PSD3: variants seen among roughly 807,000 people sequenced by gnomAD.
PSD3 encodes pleckstrin and Sec7 domain containing 3, also known as PH and SEC7 domain-containing protein 3.
PSD3 carries 49 observed loss-of-function variants against 105.5 expected under a neutral mutation model. That is an observed-to-expected ratio of 0.46 (90% confidence interval 0.37 to 0.59). PSD3 has a LOEUF of 0.59. Among genes scored for constraint, PSD3 ranks in the 20% least tolerant of loss-of-function variants. PSD3 has a pLI of 0.00. For synonymous variants in PSD3, 557 were observed against 457.8 expected, an observed-to-expected ratio of 1.22 and a Z score of -2.77; for missense variants, 1,561 against 1,263.8, an observed-to-expected ratio of 1.24 and a Z score of -3.57.
rs896882357 is a variant in PSD3, at chr8:18,975,058, G to A, written c.21+38505C>T. Among the ~76,000 whole-genome samples, 17 of 152,184 alleles carry A rather than the reference G, an allele frequency of 1.1e-4. 1 individual carries two copies. Among genetic ancestry groups the A allele is most frequent in the African/African-American group, 4.1e-4 (17 of 41,440 alleles). ...GTGAGGAAAGGACAAGAGGCTGGCA[G>A]AGGTTTCACTCCCTGCAGTGCTGAG... On this transcript the variant is annotated intron_variant, in intron 1 of 15. Coordinates refer to ENST00000327040, the MANE Select transcript of PSD3 (RefSeq NM_015310.4).
intron 4 of PSD3, among the ~76,000 whole-genome samples, chr8:18,816,106 G>C (rs1442508546): frequency 6.6e-6 from 1 of 152,124 alleles, no homozygotes; most frequent in Non-Finnish European, 1.5e-5. Flanking sequence ...GGGGCTATGG[G>C]ATTAACAGGG....
chr8:18,751,922 C>T (rs1278611074), intron 9 of PSD3, among the ~76,000 whole-genome samples: 1 of 148,474 alleles, frequency 6.7e-6, no homozygotes, highest in African/African-American at 2.6e-5. Context: ...CGCCTGGAAT[C>T]CCAGCACTTT....
At chr8:18,885,176 C>T (rs1304853157) in intron 2 of PSD3, among the ~76,000 whole-genome samples, 3 of 152,242 alleles carry the variant, frequency 2.0e-5, no homozygotes, top group East Asian at 3.9e-4. Flanking sequence ...ATCAGGGATG[C>T]CCCTCTGATT....
intron 1 of PSD3, among the ~76,000 whole-genome samples, chr8:19,073,322 G>A (rs368790337): frequency 7.2e-5 from 11 of 152,132 alleles, no homozygotes; most frequent in South Asian, 2.1e-4. Context: ...AGGCCAAGGC[G>A]GGCGGATCAC....
intron 4 of PSD3, among the ~76,000 whole-genome samples, chr8:18,851,552 A>T (rs1444043046): frequency 6.6e-6 from 1 of 152,238 alleles, no homozygotes; most frequent in Non-Finnish European, 1.5e-5. Flanking sequence ...ACTCTGGGTT[A>T]ATCACATGTC....
intron 9 of PSD3, among the ~76,000 whole-genome samples, chr8:18,749,924 T>G (rs1432927666): frequency 6.6e-6 from 1 of 152,146 alleles, no homozygotes; most frequent in Non-Finnish European, 1.5e-5. Flanking sequence ...TTGAAGCAGA[T>G]TCACCTTCAG....
chr8:18,747,450 A>T (rs1805121134), intron 9 of PSD3, among the ~76,000 whole-genome samples: 1 of 152,248 alleles, frequency 6.6e-6, no homozygotes, highest in African/African-American at 2.4e-5. Flanking sequence ...ATGTATTCTC[A>T]AAGTCAGATG....
intron 9 of PSD3, among the ~76,000 whole-genome samples, chr8:18,755,102 C>A (rs10110943): frequency 0.16 from 23,853 of 151,900 alleles, 3,126 homozygotes; most frequent in African/African-American, 0.35. Context: ...GTGAGAGGGG[C>A]AGCAATCTTG....
At chr8:18,801,182 A>C in intron 7 of PSD3, 88 bp downstream of exon 7, 1 of 770,208 alleles carries the variant, frequency 1.3e-6, no homozygotes, top group South Asian at 1.9e-5. Context: ...CTGAAGATAC[A>C]TAATTTCTCA....
At chr8:18,713,821 A>C (rs1182389940) in intron 9 of PSD3, among the ~76,000 whole-genome samples, 2 of 152,216 alleles carry the variant, frequency 1.3e-5, no homozygotes, top group South Asian at 2.1e-4. Context: ...CTGTACAGCC[A>C]AGACAATCCT....
intron 14 of PSD3, among the ~76,000 whole-genome samples, chr8:18,558,640 G>A (rs1168286827): frequency 1.3e-5 from 2 of 152,136 alleles, no homozygotes; most frequent in Non-Finnish European, 2.9e-5. Flanking sequence ...GACTAACATG[G>A]TGAAACCCTG....
chr8:18,876,455 T>C (rs1403876487), intron 2 of PSD3, among the ~76,000 whole-genome samples: 1 of 152,144 alleles, frequency 6.6e-6, no homozygotes, highest in Non-Finnish European at 1.5e-5. Context: ...GGGACGATCA[T>C]GGCTCACTGC....
intron 8 of PSD3, among the ~76,000 whole-genome samples, chr8:18,767,590 T>C (rs1807117591): frequency 6.6e-6 from 1 of 151,418 alleles, no homozygotes; most frequent in Non-Finnish European, 1.5e-5. Context: ...TACTGAAAAA[T>C]ACATAAATTA....
rs189688926 is a variant in PSD3, at chr8:18,917,877, G to T, written c.130+18157C>A. Among the ~76,000 whole-genome samples the T allele has an allele frequency of 5.3e-5, 8 of 152,326 alleles. No individual in the cohort carries two copies. In the East Asian group the frequency reaches 1.4e-3, roughly 26 times the overall value. On this transcript the variant is annotated intron_variant, in intron 2 of 15. Coordinates refer to ENST00000327040, the MANE Select transcript of PSD3 (RefSeq NM_015310.4). Reference sequence around the variant, plus strand: ...CTATCTGGATTCCTTTCATGGAAGAGAACTTTTATTTTGTCTAAGCCACCG... The same window carrying T: ...CTATCTGGATTCCTTTCATGGAAGATAACTTTTATTTTGTCTAAGCCACCG...
chr8:18,569,022 C>T (rs1020735311), intron 14 of PSD3, among the ~76,000 whole-genome samples: 14 of 140,968 alleles, frequency 9.9e-5, no homozygotes, highest in African/African-American at 3.6e-4. Flanking sequence ...CATGTCCCTA[C>T]AAAGGACATG....
intron 15 of PSD3, among the ~76,000 whole-genome samples, chr8:18,552,317 C>A (rs1800814424): frequency 6.6e-6 from 1 of 152,214 alleles, no homozygotes; most frequent in South Asian, 2.1e-4. Context: ...CTGTAATCAT[C>A]TTAAACGTTG....
At chr8:18,974,932 C>T (rs1026679164) in intron 1 of PSD3, among the ~76,000 whole-genome samples, 2 of 152,086 alleles carry the variant, frequency 1.3e-5, no homozygotes, top group African/African-American at 4.8e-5. Flanking sequence ...AATCTTTTTC[C>T]TTGACCAGAA....
intron 10 of PSD3, among the ~76,000 whole-genome samples, chr8:18,635,989 T>C (rs1807221516): frequency 6.6e-6 from 1 of 152,096 alleles, no homozygotes; most frequent in Non-Finnish European, 1.5e-5. Context: ...AGCAAACCAC[T>C]GTGGCACATG....
intron 10 of PSD3, among the ~76,000 whole-genome samples, chr8:18,642,270 A>T (rs543252939): frequency 1.3e-5 from 2 of 152,270 alleles, no homozygotes; most frequent in Admixed American, 1.3e-4. Flanking sequence ...AAAATTTTTA[A>T]GGGGCAACTA....
Sources: gnomAD v4.1 joint callset for allele counts (sites outside exome capture counted in the v4.1 genomes callset) on GRCh38, gnomAD v4.1.1 for gene constraint, MANE v1.5 for transcripts, NCBI Gene and HGNC (gene_info 2026-07-23, HGNC 2026-07-21) for gene names.